The following PIKFYVE variants were observed in gnomAD, a reference collection of about 807,000 sequenced individuals.
PIKFYVE encodes the protein 1-phosphatidylinositol 3-phosphate 5-kinase.
In PIKFYVE, 122 loss-of-function variants were observed where a neutral mutation model predicts 257.9. The observed-to-expected ratio is 0.47, with a 90% CI of 0.41 to 0.55. PIKFYVE has a LOEUF of 0.55. Ranked by LOEUF, PIKFYVE falls within the 20% of genes least tolerant of loss-of-function variation. PIKFYVE has a pLI of 0.00. For synonymous variants in PIKFYVE, 892 were observed against 868.9 expected (o/e 1.03, Z -0.47); for missense variants, 2,160 against 2,536.6 (o/e 0.85, Z 3.19).
chr2:208,333,038 C>A (rs1697730117), intron 23 of PIKFYVE, among the ~76,000 whole-genome samples: 1 of 151,748 alleles, frequency 6.6e-6, no homozygotes, highest in African/African-American at 2.4e-5. Flanking sequence ...ATCGAGACCA[C>A]CCTGGCTAAC....
rs751385555 is a variant in PIKFYVE, at chr2:208,315,178, A to G, written c.1827-15A>G. The stretch of plus-strand genomic sequence containing the variant: ...TATTAACTATGCAAACTTCTTTCTT[A>G]TAATATTTTTGTAGTTCAGCTAATC... On this transcript the variant is annotated splice_polypyrimidine_tract_variant and intron_variant, in intron 14 of 41. Coordinates refer to ENST00000264380, the MANE Select transcript of PIKFYVE (RefSeq NM_015040.4). The G allele has an allele frequency of 1.9e-6, 3 of 1,607,408 alleles. No homozygotes were observed. The highest frequency in any genetic ancestry group is 2.2e-5 in the East Asian group (1 of 44,780).
At chr2:208,303,722 T>C (rs956847876) in intron 10 of PIKFYVE, among the ~76,000 whole-genome samples, 4 of 152,200 alleles carry the variant, frequency 2.6e-5, no homozygotes, top group Non-Finnish European at 4.4e-5. Flanking sequence ...AGCTGTGTAA[T>C]GTTTAGTAAC....
intron 13 of PIKFYVE, among the ~76,000 whole-genome samples, chr2:208,312,573 A>G (rs1559103844): frequency 6.6e-6 from 1 of 152,220 alleles, no homozygotes; most frequent in Non-Finnish European, 1.5e-5. Flanking sequence ...TTTTAAAGAC[A>G]TAGTTTACAC....
Position 208,298,698 on chromosome 2 carries a change from A to G in PIKFYVE, c.969A>G (p.Ser323=), listed in dbSNP as rs757767026. 3 of 1,613,986 alleles carry G rather than the reference A, an allele frequency of 1.9e-6. No individual in the cohort carries two copies. The highest frequency in any genetic ancestry group is 2.5e-6 in the Non-Finnish European group (3 of 1,179,942). The part of the protein sequence containing the change: ...LDRSGSPMVP[S]YETSVSPQAN... Reference sequence around the variant, plus strand: ...GATCTGGTTCTCCTATGGTACCTTCATATGAGACATCTGTCAGTCCCCAGG... The same window carrying G: ...GATCTGGTTCTCCTATGGTACCTTCGTATGAGACATCTGTCAGTCCCCAGG... The change falls in exon 8 of 42, where the codon TCA becomes TCG. Residue 323 remains serine, a synonymous_variant. Coordinates refer to ENST00000264380, the MANE Select transcript of PIKFYVE (RefSeq NM_015040.4).
chr2:208,302,456 T>A (rs1693810573), intron 10 of PIKFYVE, 103 bp downstream of exon 10: 2 of 1,148,758 alleles, frequency 1.7e-6, no homozygotes, highest in Admixed American at 2.0e-5. Context: ...ATGATTTTTC[T>A]AACATTTTTT....
chr2:208,271,641 C>T lies in PIKFYVE; in HGVS notation c.122C>T (p.Pro41Leu), dbSNP rs1422713093. The T allele has an allele frequency of 1.2e-6, 2 of 1,613,948 alleles. No homozygotes were observed. Among genetic ancestry groups the T allele is most frequent in the Non-Finnish European group, 1.7e-6 (2 of 1,179,942 alleles). Reference protein sequence around the residue: ...KPLTPDQDEPPFKSAYSSFVN... With the variant: ...KPLTPDQDEPLFKSAYSSFVN... ...TTGACTCCTGATCAAGATGAGCCCC[C>T]TTTTAAATCAGCTTATAGTTCTTTT... Residue 41 changes from proline to leucine, a missense_variant, in exon 2 of 42, where the codon CCT becomes CTT. Transcript: ENST00000264380.
intron 4 of PIKFYVE, 101 bp downstream of exon 4, chr2:208,276,931 A>T (rs1466137313): frequency 2.2e-6 from 2 of 914,846 alleles, no homozygotes; most frequent in Non-Finnish European, 3.5e-6. Context: ...AAGCTTAATT[A>T]GCGCTTCCTC....
chr2:208,312,205 T>A, intron 12 of PIKFYVE, 31 bp from the exon 13 acceptor site: 1 of 1,531,648 alleles, frequency 6.5e-7, no homozygotes, highest in Non-Finnish European at 9.0e-7. Flanking sequence ...CTACTTTTGT[T>A]CCTCCTCTCT....
intron 17 of PIKFYVE, among the ~76,000 whole-genome samples, chr2:208,323,682 C>T (rs998361959): frequency 5.3e-5 from 8 of 152,226 alleles, no homozygotes; most frequent in African/African-American, 1.7e-4. Context: ...TGAGGAATCA[C>T]CACACTGTCT....
At chr2:208,277,404 G>A in intron 4 of PIKFYVE, 133 bp from the exon 5 acceptor site, 3 of 913,638 alleles carry the variant, frequency 3.3e-6, no homozygotes, top group Non-Finnish European at 5.1e-6. Flanking sequence ...TGGTTATTTT[G>A]ACCTTTCGTA....
rs200475373 is a variant in PIKFYVE at position 208,335,850 on chromosome 2, A to G, written c.4314A>G (p.Thr1438=). The G allele has an allele frequency of 3.7e-6, 6 of 1,613,212 alleles. No individual in the cohort carries two copies. The highest frequency in any genetic ancestry group is 3.3e-5 in the Admixed American group (2 of 60,004). The part of the protein sequence containing the change: ...DERLASLKTD[T]FSKTREEKME... ...GACTTGCATCTTTGAAAACTGATAC[A>G]TTTAGTAAAACAAGAGAGGAAAAAA... The change falls in exon 26 of 42, where the codon ACA becomes ACG. Residue 1438 remains threonine, a synonymous_variant. Coordinates refer to ENST00000264380, the MANE Select transcript of PIKFYVE (RefSeq NM_015040.4).
intron 35 of PIKFYVE, among the ~76,000 whole-genome samples, chr2:208,348,570 G>A (rs1699449613): frequency 6.8e-6 from 1 of 147,496 alleles, no homozygotes; most frequent in African/African-American, 2.5e-5. Context: ...GCAATAAAAT[G>A]AGACCTCTGT....
In PIKFYVE at chr2:208,280,596, A is replaced by C. The variant is rs556353148; in HGVS notation, c.613+2888A>C. On this transcript the variant is annotated intron_variant, in intron 5 of 41. Transcript: ENST00000264380. Reference sequence around the variant, plus strand: ...TTTGGGGATGGCTGGTAGAAAGATTAACGGTGTACATTTCTGGCAGTGTAG... The same window carrying C: ...TTTGGGGATGGCTGGTAGAAAGATTCACGGTGTACATTTCTGGCAGTGTAG... Among the ~76,000 whole-genome samples the C allele has an allele frequency of 2.0e-5, 3 of 152,210 alleles. No individual in the cohort carries two copies. The East Asian group carries it at 5.8e-4, about 29-fold the overall frequency.
rs1699882782 is a variant in PIKFYVE, at chr2:208,352,659, C to A, written c.5721C>A (p.Pro1907=). The A allele has an allele frequency of 2.5e-6, 4 of 1,613,294 alleles. No homozygotes were observed. The highest frequency in any genetic ancestry group is 1.3e-5 in the African/African-American group (1 of 74,968). Residue 1907 remains proline (P), a synonymous_variant, in exon 39 of 42, where the codon CCC becomes CCA. Coordinates refer to ENST00000264380, the MANE Select transcript of PIKFYVE (RefSeq NM_015040.4). ...TTTGACCTTCTCTTGATTAGAGGCC[C>A]ACGGCGTTGGCCAAAATTCTTGGAG... The part of the protein sequence containing the change: ...YITNAVQQKR[P]TALAKILGVY...
chr2:208,319,143 A>G (rs1559116324), intron 16 of PIKFYVE, among the ~76,000 whole-genome samples: 1 of 152,160 alleles, frequency 6.6e-6, no homozygotes, highest in African/African-American at 2.4e-5. Flanking sequence ...TTACAGCAAG[A>G]GCTGAGGCAG....
intron 20 of PIKFYVE, among the ~76,000 whole-genome samples, chr2:208,327,566 T>G (rs1214771328): frequency 1.3e-5 from 2 of 152,188 alleles, no homozygotes; most frequent in Non-Finnish European, 2.9e-5. Flanking sequence ...CAAAACCCCC[T>G]GTTTGTACTT....
At chr2:208,304,689 A>G (rs1274270131) in intron 11 of PIKFYVE, among the ~76,000 whole-genome samples, 157 bp from the exon 12 acceptor site, 1 of 152,220 alleles carries the variant, frequency 6.6e-6, no homozygotes, top group African/African-American at 2.4e-5. Context: ...TATTAAGTCT[A>G]CACAGAAGTA....
chr2:208,300,629 T>C (rs772060463), intron 8 of PIKFYVE, among the ~76,000 whole-genome samples: 19 of 152,230 alleles, frequency 1.2e-4, no homozygotes, highest in Non-Finnish European at 8.8e-5. Context: ...AACTGTTGTC[T>C]CCCTCTGCCT....
At chr2:208,349,465 GTT>G (rs1699557634) in intron 35 of PIKFYVE, among the ~76,000 whole-genome samples, 1 of 149,960 alleles carries the variant, frequency 6.7e-6, no homozygotes, top group African/African-American at 2.4e-5. Context: ...ATAAAAATAT[GTT>G]TTAAGTATAT....
Sources: allele counts gnomAD v4.1 joint callset (sites outside exome capture counted in the v4.1 genomes callset), GRCh38; gene constraint gnomAD v4.1.1; transcripts MANE v1.5; gene names NCBI Gene and HGNC (gene_info 2026-07-23, HGNC 2026-07-21).